SAMD12: variants seen among roughly 807,000 people sequenced by gnomAD.
The protein encoded by SAMD12 is sterile alpha motif domain containing 12.
SAMD12 carries 9 observed loss-of-function variants against 15.0 expected under a neutral mutation model. The observed-to-expected ratio is 0.60, with a 90% CI of 0.36 to 1.05. The LOEUF (loss-of-function observed/expected upper bound fraction) is 1.05. SAMD12 is among the 50% of genes least tolerant of loss of function. SAMD12 has a pLI of 0.01. For missense variants in SAMD12, 230 were observed against 234.2 expected (o/e 0.98, Z 0.12); for synonymous variants, 86 against 90.1 (o/e 0.96, Z 0.25).
intron 1 of SAMD12, among the ~76,000 whole-genome samples, chr8:118,600,194 T>A (rs1183304562): frequency 1.3e-5 from 2 of 151,898 alleles, no homozygotes; most frequent in Non-Finnish European, 2.9e-5. Context: ...GTGCCCCAAA[T>A]AATTGAAGCA....
intron 3 of SAMD12, among the ~76,000 whole-genome samples, chr8:118,426,556 G>C (rs980419003): frequency 2.6e-5 from 4 of 152,174 alleles, no homozygotes; most frequent in East Asian, 3.9e-4. Context: ...CTAAAGCAAG[G>C]CTGCTCCCAT....
intron 3 of SAMD12, among the ~76,000 whole-genome samples, chr8:118,383,000 C>T (rs1819753145): frequency 1.3e-5 from 2 of 152,102 alleles, no homozygotes; most frequent in African/African-American, 4.8e-5. Context: ...GTAAATGTCC[C>T]ATTAATCTCC....
chr8:118,282,069 A>G (rs916472813), intron 4 of SAMD12: 2 of 345,072 alleles, frequency 5.8e-6, no homozygotes, highest in African/African-American at 4.3e-5. Context: ...GAGCTGAATG[A>G]CACTGGATGG....
At chr8:118,186,201 A>G (rs895906634), downstream of SAMD12, among the ~76,000 whole-genome samples, 3 of 152,210 alleles carry the variant, frequency 2.0e-5, no homozygotes, top group African/African-American at 7.2e-5. Context: ...TGACTTGATT[A>G]TGGAATATTC....
chr8:118,492,617 C>T (rs1824484067), intron 2 of SAMD12, among the ~76,000 whole-genome samples: 1 of 152,114 alleles, frequency 6.6e-6, no homozygotes, highest in South Asian at 2.1e-4. Context: ...ATCTCTTCAG[C>T]TATGTCACTT....
chr8:118,242,985 T>G (rs970438381), intron 4 of SAMD12, among the ~76,000 whole-genome samples: 2 of 152,294 alleles, frequency 1.3e-5, no homozygotes, highest in Middle Eastern at 6.8e-3. Flanking sequence ...GGCCCTCACC[T>G]GCTCTATGAT....
chr8:118,143,998 C>T, the SAMD12 span, among the ~76,000 whole-genome samples: 8 of 152,088 alleles, frequency 5.3e-5, no homozygotes, highest in African/African-American at 1.9e-4. Flanking sequence ...GGGCTGTGTT[C>T]CCTCCTAAAG....
chr8:118,416,665 AG>A (rs2130829532), intron 3 of SAMD12, among the ~76,000 whole-genome samples: 1 of 152,328 alleles, frequency 6.6e-6, no homozygotes, highest in African/African-American at 2.4e-5. Flanking sequence ...CACGATAACC[AG>A]CACAATGGAA....
At chr8:118,137,465 A>G in the SAMD12 span, among the ~76,000 whole-genome samples, 1 of 152,040 alleles carries the variant, frequency 6.6e-6, no homozygotes, top group Admixed American at 6.5e-5. Context: ...TTTTCCTTTC[A>G]TTTTAGTTAT....
intron 3 of SAMD12, among the ~76,000 whole-genome samples, chr8:118,385,711 C>T (rs1009596774): frequency 7.2e-5 from 11 of 152,154 alleles, no homozygotes; most frequent in African/African-American, 2.2e-4. Flanking sequence ...TGTGCTGGCA[C>T]GCAGTAGTGC....
chr8:118,505,253 G>A (rs1170719578), intron 2 of SAMD12, among the ~76,000 whole-genome samples: 1 of 151,854 alleles, frequency 6.6e-6, no homozygotes. Context: ...GGCTGACTTT[G>A]TTCTGCTGTT....
At chr8:118,493,394 T>C (rs919989640) in intron 2 of SAMD12, among the ~76,000 whole-genome samples, 6 of 152,180 alleles carry the variant, frequency 3.9e-5, no homozygotes, top group African/African-American at 1.4e-4. Flanking sequence ...TTGCTTCTGC[T>C]CATTTCTCAT....
intron 2 of SAMD12, among the ~76,000 whole-genome samples, chr8:118,535,965 T>G (rs1177922679): frequency 6.6e-6 from 1 of 152,196 alleles, no homozygotes; most frequent in East Asian, 1.9e-4. Context: ...CTGCACCCAC[T>G]GTCCAACAAA....
intron 2 of SAMD12, among the ~76,000 whole-genome samples, chr8:118,478,625 G>A (rs1336111602): frequency 2.6e-5 from 4 of 152,220 alleles, no homozygotes; most frequent in Non-Finnish European, 4.4e-5. Context: ...ACATCATACA[G>A]CTTGCAAATG....
chr8:118,227,236 G>A (rs1812207404), intron 4 of SAMD12, among the ~76,000 whole-genome samples: 1 of 152,112 alleles, frequency 6.6e-6, no homozygotes, highest in African/African-American at 2.4e-5. Context: ...GGAGCTGGAG[G>A]CCATTATCCT....
At chr8:118,285,855 C>A (rs777927188) in intron 4 of SAMD12, among the ~76,000 whole-genome samples, 36 of 152,094 alleles carry the variant, frequency 2.4e-4, no homozygotes, top group Non-Finnish European at 4.1e-4. Context: ...CCTGTGAGAA[C>A]CTTTGATACT....
exon 5 of SAMD12, chr8:118,191,778 A>C (rs1469542199): frequency 0.011 from 427 of 39,654 alleles, 31 homozygotes; most frequent in African/African-American, 0.043. Context: ...ATATATATAT[A>C]TATATATATA....
chr8:118,145,893 T>C, the SAMD12 span, among the ~76,000 whole-genome samples: 17 of 152,226 alleles, frequency 1.1e-4, no homozygotes, highest in Non-Finnish European at 2.4e-4. Context: ...GCTTGAAAGC[T>C]GAGGCAGAGC....
chr8:118,512,060 T>G (rs577674138), intron 2 of SAMD12, among the ~76,000 whole-genome samples: 2 of 152,282 alleles, frequency 1.3e-5, no homozygotes, highest in South Asian at 4.2e-4. Context: ...TTTTTCACCT[T>G]TCAACTCTGC....
Sources: allele counts gnomAD v4.1 joint callset (sites outside exome capture counted in the v4.1 genomes callset), GRCh38; gene constraint gnomAD v4.1.1; transcripts MANE v1.5; gene names NCBI Gene and HGNC (gene_info 2026-07-23, HGNC 2026-07-21).